The following FLI1 variants were observed in gnomAD, a reference collection of about 807,000 sequenced individuals.
FLI1 encodes Friend leukemia integration 1 transcription factor.
In FLI1, 13 loss-of-function variants were observed where a neutral mutation model predicts 53.1. The ratio of observed to expected loss-of-function variants is 0.24; its 90% CI spans 0.16 to 0.39. FLI1 has a LOEUF of 0.39. FLI1 is among the 10% of genes least tolerant of loss of function. The probability of loss-of-function intolerance (pLI) is 1.00; values close to 1 mark genes in which losing one functional copy is unlikely to be tolerated. For synonymous variants in FLI1, 244 were observed against 236.7 expected (o/e 1.03, Z -0.28); for missense variants, 424 against 600.5 (o/e 0.71, Z 3.07).
intron 7 of FLI1, among the ~76,000 whole-genome samples, chr11:128,808,017 C>T (rs1942830546): frequency 6.6e-6 from 1 of 152,118 alleles, no homozygotes; most frequent in East Asian, 1.9e-4. Context: ...AAACATTGTT[C>T]CCCATCTCCA....
rs115594413 is a variant in FLI1, at chr11:128,712,362, G to A, written c.18+18086G>A. Among the ~76,000 whole-genome samples the A allele has an allele frequency of 3.6e-3, 544 of 152,310 alleles. 1 individual carries two copies. Among genetic ancestry groups the A allele is most frequent in the African/African-American group, 0.013 (520 of 41,566 alleles). The stretch of plus-strand genomic sequence containing the variant: ...CAGCCTGCAGAACCATGAGCACCAT[G>A]AGCCAAATAAACCTCTTTTCTTTAT... On this transcript the variant is annotated intron_variant, in intron 1 of 8. Transcript: ENST00000527786.
At chr11:128,713,778 A>G (rs1407413579) in intron 1 of FLI1, among the ~76,000 whole-genome samples, 1 of 152,202 alleles carries the variant, frequency 6.6e-6, no homozygotes, top group Non-Finnish European at 1.5e-5. Flanking sequence ...ACCCTGAAAG[A>G]TAAGCCTCGG....
intron 1 of FLI1, among the ~76,000 whole-genome samples, chr11:128,709,603 A>G (rs1260479782): frequency 6.6e-6 from 1 of 152,188 alleles, no homozygotes; most frequent in African/African-American, 2.4e-5. Context: ...ATGGCAGGAT[A>G]TGAGTGTGGC....
At chr11:128,720,597 A>G (rs932487824) in intron 1 of FLI1, among the ~76,000 whole-genome samples, 2 of 152,234 alleles carry the variant, frequency 1.3e-5, no homozygotes, top group Non-Finnish European at 1.5e-5. Context: ...AGGCAAGCCC[A>G]GGGCCCGATC....
chr11:128,695,937 A>G (rs1315520853), intron 1 of FLI1: 2 of 152,254 alleles, frequency 1.3e-5, no homozygotes, highest in Admixed American at 1.3e-4. Flanking sequence ...CTGATCCAGA[A>G]GGGTGGTAAG....
chr11:128,801,225 G>A (rs879320348), intron 5 of FLI1, among the ~76,000 whole-genome samples: 19 of 152,218 alleles, frequency 1.2e-4, no homozygotes, highest in African/African-American at 3.9e-4. Context: ...CACTCCATGC[G>A]CTGACGGAGA....
chr11:128,757,345 T>G (rs1201444299), intron 1 of FLI1, among the ~76,000 whole-genome samples: 1 of 152,106 alleles, frequency 6.6e-6, no homozygotes, highest in Non-Finnish European at 1.5e-5. Context: ...TTGGAGGGTC[T>G]TGCCCTGACT....
chr11:128,768,255 G>A lies in FLI1; in HGVS notation c.368G>A (p.Arg123Lys). ...PPPNMTTNER[R>K]VIVPADPTLW... ...CCCAACATGACCACCAACGAGAGGAGAGTCATCGTCCCCGCAGGTAATTCG... is the reference window on the plus strand; with the variant it reads ...CCCAACATGACCACCAACGAGAGGAAAGTCATCGTCCCCGCAGGTAATTCG... The change falls in exon 3 of 9, where the codon AGA becomes AAA. Residue 123 changes from arginine to lysine, a missense_variant. Around this residue, in one of 5 missense-constraint regions of FLI1, gnomAD observed 137 missense variants for 169.1 expected, o/e 0.81. Coordinates refer to ENST00000527786, the MANE Select transcript of FLI1 (RefSeq NM_002017.5). 2 of 1,613,924 alleles carry A rather than the reference G, an allele frequency of 1.2e-6. No individual in the cohort carries two copies. Among genetic ancestry groups the A allele is most frequent in the Non-Finnish European group, 1.7e-6 (2 of 1,179,882 alleles).
chr11:128,741,604 TC>T (rs745333972), intron 1 of FLI1, among the ~76,000 whole-genome samples: 14 of 152,138 alleles, frequency 9.2e-5, no homozygotes, highest in Non-Finnish European at 1.6e-4. Flanking sequence ...AGCCTTTGTG[TC>T]CCCTTCTCCT....
chr11:128,799,043 A>ATTTTTTT (rs1186555006), intron 5 of FLI1, among the ~76,000 whole-genome samples: 5 of 128,670 alleles, frequency 3.9e-5, no homozygotes, highest in African/African-American at 1.2e-4. Flanking sequence ...TATTATTATT[A>ATTTTTTT]TTATTATTAT....
At chr11:128,734,326 A>T (rs1215296512) in intron 1 of FLI1, among the ~76,000 whole-genome samples, 2 of 152,256 alleles carry the variant, frequency 1.3e-5, no homozygotes, top group African/African-American at 4.8e-5. Context: ...GAAGCTAAGC[A>T]GGATCGAGCT....
intron 2 of FLI1, 32 bp downstream of exon 2, chr11:128,758,358 G>T (rs780787816): frequency 1.1e-5 from 18 of 1,587,658 alleles, no homozygotes; most frequent in Admixed American, 1.7e-5. Flanking sequence ...AGGATTGGGG[G>T]AAGGCACAAA....
chr11:128,708,321 A>G (rs138731984), intron 1 of FLI1, among the ~76,000 whole-genome samples: 1 of 152,306 alleles, frequency 6.6e-6, no homozygotes, highest in East Asian at 1.9e-4. Context: ...ATATGCTAAC[A>G]CTACTTTTAA....
At chr11:128,707,310 C>A (rs1218336290) in intron 1 of FLI1, among the ~76,000 whole-genome samples, 1 of 152,218 alleles carries the variant, frequency 6.6e-6, no homozygotes, top group African/African-American at 2.4e-5. Flanking sequence ...TGCCCTTCGA[C>A]TTCTCCATAA....
chr11:128,688,629 T>TC (rs895835558), intron 1 of FLI1, among the ~76,000 whole-genome samples: 1 of 151,960 alleles, frequency 6.6e-6, no homozygotes, highest in Non-Finnish European at 1.5e-5. Flanking sequence ...GGGTGCCGGC[T>TC]CCACCGGGGT....
chr11:128,772,252 A>G (rs1220103886), intron 3 of FLI1, among the ~76,000 whole-genome samples: 1 of 152,198 alleles, frequency 6.6e-6, no homozygotes. Flanking sequence ...AGAAATTTCT[A>G]CACAGCTGTG....
intron 4 of FLI1, among the ~76,000 whole-genome samples, chr11:128,774,922 T>TA (rs34558833): frequency 0.3 from 45,977 of 151,916 alleles, 7,103 homozygotes; most frequent in South Asian, 0.39. Context: ...GAAGAGCAGA[T>TA]AACAAGGTTG....
chr11:128,798,591 G>A (rs1401919450), intron 5 of FLI1, among the ~76,000 whole-genome samples: 1 of 152,166 alleles, frequency 6.6e-6, no homozygotes, highest in Admixed American at 6.5e-5. Flanking sequence ...AGGCAGAGGG[G>A]CTGTTGGATT....
chr11:128,694,238 C>G lies in FLI1; in HGVS notation c.-21C>G. On this transcript the variant is annotated 5_prime_UTR_variant, in exon 1 of 9. Transcript: ENST00000527786. Reference sequence around the variant, plus strand: ...GGTCAATGTGTGGAATATTGGGGGGCTCGGCTGCAGACTTGGCCAAATGGA... The same window carrying G: ...GGTCAATGTGTGGAATATTGGGGGGGTCGGCTGCAGACTTGGCCAAATGGA... 4.0e-6 allele frequency: 6 copies of G among 1,503,056 alleles called. No homozygotes were observed. The highest frequency in any genetic ancestry group is 2.3e-5 in the Admixed American group (1 of 43,632). The allele number at this position is 1,503,056 out of a possible 1,614,324, so 93.1% of individuals were successfully genotyped here.
Sources: allele counts gnomAD v4.1 joint callset (sites outside exome capture counted in the v4.1 genomes callset), GRCh38; gene constraint gnomAD v4.1.1; regional missense constraint gnomAD v4.1.1; transcripts MANE v1.5; gene names NCBI Gene and HGNC (gene_info 2026-07-23, HGNC 2026-07-21).